The following DNAH10 variants were observed in gnomAD, a reference collection of about 807,000 sequenced individuals.
DNAH10 encodes axonemal beta dynein heavy chain 10.
A neutral mutation model predicts 506.6 loss-of-function variants in DNAH10; 348 were observed. That is an observed-to-expected ratio of 0.69 (90% CI 0.63 to 0.75). The LOEUF (loss-of-function observed/expected upper bound fraction) is 0.75, where lower values mean the gene tolerates loss of function less well. Among genes scored for constraint, DNAH10 ranks in the 30% least tolerant of loss-of-function variants. The pLI, the probability that DNAH10 is intolerant of heterozygous loss-of-function variation, is 0.00. For missense variants in DNAH10, 5,179 were observed against 5,787.1 expected, an observed-to-expected ratio of 0.89 and a Z score of 3.41; for synonymous variants, 2,059 against 2,198.6, an observed-to-expected ratio of 0.94 and a Z score of 1.78.
At position 123,813,822 on chromosome 12, in the gene DNAH10, T is replaced by G; in HGVS notation, c.3690T>G (p.Ile1230Met). The G allele has an allele frequency of 6.2e-7, 1 of 1,613,432 alleles. No homozygotes were observed. The change falls in exon 21 of 79, where the codon ATT becomes ATG. Residue 1230 changes from isoleucine (I) to methionine (M), a missense_variant. Ile to Met is a conservative substitution (Grantham distance 10). Around this residue, in one of 3 missense-constraint regions of DNAH10, gnomAD observed 4,844 missense variants for 5,430.5 expected, o/e 0.89. Transcript: ENST00000673944. ...LEDLKFVLAT[I>M]AEIRSKSLVM... is the part of the protein sequence containing the mutation. ...ATCTCAAGTTTGTCCTTGCAACAAT[T>G]GCAGAAATTAGAAGTAAATCTCTAG...
chr12:123,897,771 G>A lies in DNAH10; in HGVS notation c.9282G>A (p.Gly3094=), dbSNP rs1953321374. Residue 3094 remains glycine, a splice_region_variant and synonymous_variant, in exon 55 of 79, where the codon GGG becomes GGA. Coordinates refer to ENST00000673944, the MANE Select transcript of DNAH10 (RefSeq NM_001372106.1). ...ALHAVAKSFL[G]YNPMIPAENI... ...CATTTTTTATTCCTTCCTCTTCAGG[G>A]TATAATCCAATGATCCCGGCAGAAA... 1.2e-6 allele frequency: 2 copies of A among 1,606,306 alleles called. No homozygotes were observed. The highest frequency in any genetic ancestry group is 2.2e-5 in the East Asian group (1 of 44,694).
chr12:123,813,224 G>A lies in DNAH10; in HGVS notation c.3205G>A (p.Glu1069Lys), dbSNP rs371847081. ...IECPPQKGEE[E>K]EVVIINFYND... The stretch of plus-strand genomic sequence containing the variant: ...ATGCCCACCTCAGAAGGGGGAGGAA[G>A]AGGAAGTTGTTATAATAAACTTTTA... Residue 1069 changes from glutamate (E) to lysine (K), a missense_variant, in exon 20 of 79, where the codon GAG becomes AAG. By Grantham distance (56) the Glu-to-Lys change is moderately conservative. Coordinates refer to ENST00000673944, the MANE Select transcript of DNAH10 (RefSeq NM_001372106.1). 6.2e-7 allele frequency: 1 copy of A among 1,614,034 alleles called. No homozygotes were observed. The highest frequency in any genetic ancestry group is 8.5e-7 in the Non-Finnish European group (1 of 1,179,940).
At chr12:123,906,151 C>G (rs2137335037) in intron 57 of DNAH10, among the ~76,000 whole-genome samples, 1 of 152,148 alleles carries the variant, frequency 6.6e-6, no homozygotes, top group South Asian at 2.1e-4. Context: ...CCAGGATGGT[C>G]TCGATCTCCT....
chr12:123,814,045 T>A, intron 21 of DNAH10, 133 bp downstream of exon 21: 2 of 764,286 alleles, frequency 2.6e-6, no homozygotes, highest in Non-Finnish European at 4.0e-6. Flanking sequence ...ACATTGTAAA[T>A]GTAAAGCAAT....
intron 25 of DNAH10, among the ~76,000 whole-genome samples, chr12:123,828,181 T>TA (rs34229102): frequency 0.037 from 5,258 of 141,860 alleles, 198 homozygotes; most frequent in African/African-American, 0.1. Flanking sequence ...AAGTAATTAT[T>TA]AAAAAAAAAA....
intron 74 of DNAH10, 33 bp from the exon 75 acceptor site, chr12:123,931,603 C>T (rs761957333): frequency 6.2e-7 from 1 of 1,610,888 alleles, no homozygotes; most frequent in Non-Finnish European, 8.5e-7. Flanking sequence ...CACGTGGATG[C>T]CTTGCTTTCT....
chr12:123,926,790 A>G lies in DNAH10; in HGVS notation c.12075A>G (p.Lys4025=). The change falls in exon 69 of 79, where the codon AAA becomes AAG. Residue 4025 remains lysine (K), a synonymous_variant. Transcript: ENST00000673944. This position sits in a 1 kb window ranked among gnomAD's most constrained non-coding sequence, Gnocchi z 4.1. The part of the protein sequence containing the change: ...ERSGFGGNRL[K]FLAMGQGQEK... ...GTGGTTTTGGAGGAAATCGCCTCAA[A>G]TTCCTTGCAATGGGTCAAGGTCAAG... 1 of 1,613,982 alleles carries G rather than the reference A, an allele frequency of 6.2e-7. No individual in the cohort carries two copies. Among genetic ancestry groups the G allele is most frequent in the Non-Finnish European group, 8.5e-7 (1 of 1,179,884 alleles).
chr12:123,887,299 A>G lies in DNAH10; in HGVS notation c.8981A>G (p.Asn2994Ser). The G allele has an allele frequency of 6.2e-7, 1 of 1,613,648 alleles. No homozygotes were observed. The highest frequency in any genetic ancestry group is 8.5e-7 in the Non-Finnish European group (1 of 1,179,796). Residue 2994 changes from asparagine (N) to serine (S), a missense_variant, in exon 52 of 79, where the codon AAC becomes AGC. Transcript: ENST00000673944. ...GAGGGCTTCCTGGAGCTCATCAACA[A>G]CATGCTGACCTCAGGTACAGCCAAG... ...AEEGFLELINNMLTSGIVPAL... is the reference protein window; with the variant it reads ...AEEGFLELINSMLTSGIVPAL...
chr12:123,847,979 G>C lies in DNAH10; in HGVS notation c.5833G>C (p.Gly1945Arg). ...ATAACAGGCGCTGTCCATGTATCTA[G>C]GTGGGGCCCCCGCCGGCCCAGCAGG... ...TLTQALSMYL[G>R]GAPAGPAGTG... The change falls in exon 33 of 79, where the codon GGT becomes CGT. Residue 1945 changes from glycine (G) to arginine (R), a missense_variant. Gly to Arg is a moderately radical substitution (Grantham distance 125, BLOSUM62 -2). Transcript: ENST00000673944. 1 of 1,613,364 alleles carries C rather than the reference G, an allele frequency of 6.2e-7. No individual in the cohort carries two copies. The highest frequency in any genetic ancestry group is 8.5e-7 in the Non-Finnish European group (1 of 1,179,630).
chr12:123,879,130 C>G (rs1952385765), intron 48 of DNAH10, 134 bp from the exon 49 acceptor site: 2 of 680,472 alleles, frequency 2.9e-6, no homozygotes, highest in Non-Finnish European at 5.0e-6. Flanking sequence ...TAACGTGAGA[C>G]TAGGGGGGCA....
At chr12:123,793,304 T>G (rs1436135608) in intron 11 of DNAH10, among the ~76,000 whole-genome samples, 1 of 151,524 alleles carries the variant, frequency 6.6e-6, no homozygotes, top group Admixed American at 6.6e-5. Context: ...CCCCCTATTT[T>G]CAGCATTAGG....
In DNAH10 at chr12:123,919,313, G is replaced by A. The variant is rs994341936; in HGVS notation, c.11506+364G>A. ...TGGTCTCGAACTCCTGAGCTCAAACGATCCACCCACCTTGGCCTCCTGAAG... is the reference window on the plus strand; with the variant it reads ...TGGTCTCGAACTCCTGAGCTCAAACAATCCACCCACCTTGGCCTCCTGAAG... On this transcript the variant is annotated intron_variant, in intron 65 of 78. Transcript: ENST00000673944. This position sits in a 1 kb window ranked among gnomAD's most constrained non-coding sequence, Gnocchi z 4.9. 2.6e-5 allele frequency among the ~76,000 whole-genome samples: 4 copies of A among 152,058 alleles called. No homozygotes were observed. The highest frequency in any genetic ancestry group is 2.0e-4 in the Admixed American group (3 of 15,268).
At chr12:123,898,322 C>T (rs541999894) in intron 55 of DNAH10, among the ~76,000 whole-genome samples, 69 of 152,290 alleles carry the variant, frequency 4.5e-4, no homozygotes, top group Non-Finnish European at 9.0e-4. Flanking sequence ...GTGCTCCTCC[C>T]GCCTCAGCCT....
chr12:123,923,738 A>G (rs867460183), intron 65 of DNAH10, 25 bp from the exon 66 acceptor site: 4 of 1,526,272 alleles, frequency 2.6e-6, no homozygotes, highest in African/African-American at 2.8e-5. Flanking sequence ...TAAGAAATCA[A>G]TACTCATCTG....
intron 40 of DNAH10, among the ~76,000 whole-genome samples, chr12:123,865,166 G>T (rs950512335): frequency 6.6e-6 from 1 of 152,158 alleles, no homozygotes; most frequent in African/African-American, 2.4e-5. Context: ...AATATACTAC[G>T]ATTACATTTA....
intron 37 of DNAH10, 44 bp from the exon 38 acceptor site, chr12:123,859,106 A>G (rs769751235): frequency 3.2e-6 from 5 of 1,544,962 alleles, no homozygotes; most frequent in South Asian, 2.4e-5. Context: ...CTGCGTCAGA[A>G]AAAAGATAAT....
intron 14 of DNAH10, among the ~76,000 whole-genome samples, chr12:123,799,899 G>T (rs1454449781): frequency 6.6e-6 from 1 of 152,122 alleles, no homozygotes; most frequent in Non-Finnish European, 1.5e-5. Context: ...GGGCCAGGTG[G>T]GACCCCTAGG....
At chr12:123,866,407 C>G (rs527678030) in intron 41 of DNAH10, among the ~76,000 whole-genome samples, 3 of 151,744 alleles carry the variant, frequency 2.0e-5, no homozygotes, top group African/African-American at 4.8e-5. Flanking sequence ...CCACGACCGG[C>G]TAATTTTTTG....
chr12:123,855,633 CAAA>C (rs34517744), intron 36 of DNAH10, among the ~76,000 whole-genome samples: 1 of 102,110 alleles, frequency 9.8e-6, no homozygotes. Flanking sequence ...GACCCTGTCT[CAAA>C]AAAAAAAAAA....
Sources: allele counts gnomAD v4.1 joint callset (sites outside exome capture counted in the v4.1 genomes callset), GRCh38; gene constraint gnomAD v4.1.1; regional missense constraint gnomAD v4.1.1; non-coding constraint Gnocchi (gnomAD v3.1); transcripts MANE v1.5; gene names NCBI Gene and HGNC (gene_info 2026-07-23, HGNC 2026-07-21).